Variants in KCNK1 observed in about 807,000 individuals in gnomAD.
KCNK1 encodes potassium channel subfamily K member 1.
Under a neutral mutation model 22.2 loss-of-function variants are expected in KCNK1, and 10 were observed. The observed-to-expected ratio is 0.45, with a 90% CI of 0.28 to 0.76. KCNK1 has a LOEUF of 0.76. Among genes scored for constraint, KCNK1 ranks in the 30% least tolerant of loss-of-function variants. The probability of loss-of-function intolerance (pLI) is 0.14; values close to 1 mark genes in which losing one functional copy is unlikely to be tolerated. For synonymous variants in KCNK1, 200 were observed against 186.4 expected, an observed-to-expected ratio of 1.07 and a Z score of -0.60; for missense variants, 378 against 421.0, an observed-to-expected ratio of 0.90 and a Z score of 0.89.
At chr1:233,628,507 C>T (rs1477085330) in intron 1 of KCNK1, among the ~76,000 whole-genome samples, 1 of 152,174 alleles carries the variant, frequency 6.6e-6, no homozygotes, top group East Asian at 1.9e-4. Context: ...CGCCTGGAAT[C>T]CCAGTACTTT....
chr1:233,619,211 C>T (rs1166053123), intron 1 of KCNK1, among the ~76,000 whole-genome samples: 2 of 151,738 alleles, frequency 1.3e-5, no homozygotes, highest in Non-Finnish European at 1.5e-5. Context: ...CTTTGGAGAG[C>T]GTGGTCTTGC....
chr1:233,646,014 C>T, intron 1 of KCNK1, among the ~76,000 whole-genome samples: 1 of 152,098 alleles, frequency 6.6e-6, no homozygotes, highest in East Asian at 1.9e-4. Context: ...ACAATTTGGG[C>T]TGAGGTTTTC....
chr1:233,643,477 A>G (rs1658037838), intron 1 of KCNK1, among the ~76,000 whole-genome samples: 1 of 152,184 alleles, frequency 6.6e-6, no homozygotes, highest in Admixed American at 6.5e-5. Context: ...TGAGTGCAGC[A>G]CTTTCCCTAT....
chr1:233,639,532 C>G (rs1657967531), intron 1 of KCNK1, among the ~76,000 whole-genome samples: 1 of 152,186 alleles, frequency 6.6e-6, no homozygotes, highest in African/African-American at 2.4e-5. Flanking sequence ...AAGCGTCCTT[C>G]TCATTTATCT....
intron 1 of KCNK1, among the ~76,000 whole-genome samples, chr1:233,665,183 C>CT (rs1658468142): frequency 6.6e-6 from 1 of 152,004 alleles, no homozygotes; most frequent in African/African-American, 2.4e-5. Flanking sequence ...CAGAAATGAC[C>CT]GGGGGGTGGG....
At chr1:233,630,566 A>G (rs1657773359) in intron 1 of KCNK1, 1 of 152,228 alleles carries the variant, frequency 6.6e-6, no homozygotes, top group Non-Finnish European at 1.5e-5. Context: ...GAACTACTGT[A>G]TGAAAACTCA....
chr1:233,614,197 C>T lies in KCNK1; in HGVS notation c.26C>T (p.Ser9Leu). 1.2e-6 allele frequency: 2 copies of T among 1,607,440 alleles called. No individual in the cohort carries two copies. The highest frequency in any genetic ancestry group is 1.7e-6 in the Non-Finnish European group (2 of 1,179,448). ...ATGCTGCAGTCCCTGGCCGGCAGCT[C>T]GTGCGTGCGCCTGGTGGAGCGGCAC... MLQSLAGS[S>L]CVRLVERHRS... The change falls in exon 1 of 3, where the codon TCG (serine) becomes TTG (leucine). Residue 9 changes from serine to leucine, a missense_variant. Physicochemically the swap from Ser to Leu is moderately radical, Grantham distance 145. Transcript: ENST00000366621.
intron 1 of KCNK1, among the ~76,000 whole-genome samples, chr1:233,631,687 TC>T (rs146496041): frequency 0.012 from 1,882 of 152,336 alleles, 13 homozygotes; most frequent in Non-Finnish European, 0.02. Flanking sequence ...TCCACTCATT[TC>T]CTCATCTGTG....
intron 1 of KCNK1, among the ~76,000 whole-genome samples, chr1:233,666,176 A>C (rs987176020): frequency 2.6e-5 from 4 of 152,144 alleles, no homozygotes; most frequent in African/African-American, 9.7e-5. Context: ...TTTACACACT[A>C]ATGAGGATGC....
At chr1:233,624,852 T>C (rs969317833) in intron 1 of KCNK1, among the ~76,000 whole-genome samples, 2 of 152,156 alleles carry the variant, frequency 1.3e-5, no homozygotes, top group Non-Finnish European at 2.9e-5. Context: ...CTTTGGTTAC[T>C]AGGTGCTACT....
At chr1:233,624,767 C>G (rs573361965) in intron 1 of KCNK1, among the ~76,000 whole-genome samples, 4 of 152,080 alleles carry the variant, frequency 2.6e-5, no homozygotes, top group Admixed American at 6.5e-5. Context: ...CATGTGTACT[C>G]GGTGCACCAC....
intron 1 of KCNK1, 95 bp downstream of exon 1, chr1:233,614,621 AC>A: frequency 4.1e-6 from 3 of 736,730 alleles, no homozygotes; most frequent in Non-Finnish European, 3.7e-6. Flanking sequence ...TAACCCTCCC[AC>A]CCCACCCCCC....
chr1:233,649,290 CT>C (rs1244226229), intron 1 of KCNK1, among the ~76,000 whole-genome samples: 4 of 152,180 alleles, frequency 2.6e-5, no homozygotes, highest in Admixed American at 2.6e-4. Context: ...TCAGCAAGTG[CT>C]TAAGTATCTA....
chr1:233,644,359 C>A (rs1291029671), intron 1 of KCNK1, among the ~76,000 whole-genome samples: 1 of 152,172 alleles, frequency 6.6e-6, no homozygotes, highest in African/African-American at 2.4e-5. Flanking sequence ...TTCATATATT[C>A]AACAAATATT....
intron 2 of KCNK1, among the ~76,000 whole-genome samples, chr1:233,670,197 T>C (rs1354631277): frequency 6.6e-6 from 1 of 152,136 alleles, no homozygotes; most frequent in East Asian, 1.9e-4. Context: ...TTCCAAGCAA[T>C]ACATTTTACT....
intron 1 of KCNK1, among the ~76,000 whole-genome samples, chr1:233,621,496 T>C (rs1456483247): frequency 6.6e-6 from 1 of 152,220 alleles, no homozygotes; most frequent in Non-Finnish European, 1.5e-5. Flanking sequence ...AACAATTTTA[T>C]ATACCTGAAT....
intron 1 of KCNK1, among the ~76,000 whole-genome samples, chr1:233,653,249 A>G (rs1658230138): frequency 6.6e-6 from 1 of 152,200 alleles, no homozygotes; most frequent in Non-Finnish European, 1.5e-5. Flanking sequence ...TGACCAACTG[A>G]TGTTTCCCTA....
At chr1:233,633,809 G>A (rs1657848055) in intron 1 of KCNK1, among the ~76,000 whole-genome samples, 1 of 152,072 alleles carries the variant, frequency 6.6e-6, no homozygotes, top group Admixed American at 6.6e-5. Flanking sequence ...AAAACATTAA[G>A]CCTCGTTAAT....
intron 1 of KCNK1, among the ~76,000 whole-genome samples, chr1:233,627,371 G>A (rs557102490): frequency 7.9e-5 from 12 of 152,262 alleles, no homozygotes; most frequent in East Asian, 1.9e-4. Context: ...GTTTGAACAC[G>A]GGTTACCAAG....
Sources: gnomAD v4.1 joint callset for allele counts (sites outside exome capture counted in the v4.1 genomes callset) on GRCh38, gnomAD v4.1.1 for gene constraint, MANE v1.5 for transcripts, NCBI Gene and HGNC (gene_info 2026-07-23, HGNC 2026-07-21) for gene names.